IFTAP: variants seen among roughly 807,000 people sequenced by gnomAD.
IFTAP encodes intraflagellar transport-associated protein.
In IFTAP, 19 loss-of-function variants were observed where a neutral mutation model predicts 19.4. The ratio of observed to expected loss-of-function variants is 0.98; its 90% CI spans 0.68 to 1.44. The LOEUF (loss-of-function observed/expected upper bound fraction) is 1.44, where lower values mean the gene tolerates loss of function less well. Among genes scored for constraint, IFTAP ranks in the 40% most tolerant of loss-of-function variants. IFTAP has a pLI of 0.00. For synonymous variants in IFTAP, 85 were observed against 83.5 expected (o/e 1.02, Z -0.10); for missense variants, 240 against 253.6 (o/e 0.95, Z 0.36).
intron 4 of IFTAP, among the ~76,000 whole-genome samples, chr11:36,647,149 A>T (rs954698645): frequency 3.9e-5 from 6 of 152,130 alleles, no homozygotes; most frequent in African/African-American, 1.2e-4. Context: ...TCCACTGAGA[A>T]GTTAATTAGT....
chr11:36,634,155 C>T (rs570359047), intron 3 of IFTAP, among the ~76,000 whole-genome samples: 36 of 152,122 alleles, frequency 2.4e-4, no homozygotes, highest in Non-Finnish European at 4.0e-4. Context: ...TTGTGGGATA[C>T]GAACTTTTTT....
chr11:36,604,828 A>G (rs1851634923), intron 1 of IFTAP, among the ~76,000 whole-genome samples: 1 of 152,084 alleles, frequency 6.6e-6, no homozygotes, highest in Admixed American at 6.6e-5. Context: ...ATTCTCTATG[A>G]TTGGACTAGA....
intron 4 of IFTAP, among the ~76,000 whole-genome samples, chr11:36,638,847 G>A (rs966738083): frequency 6.6e-6 from 1 of 152,156 alleles, no homozygotes; most frequent in Non-Finnish European, 1.5e-5. Flanking sequence ...TATTCTCTAA[G>A]ATTTAGGAGC....
At chr11:36,655,377 C>T (rs762099259) in intron 5 of IFTAP, among the ~76,000 whole-genome samples, 11 of 152,162 alleles carry the variant, frequency 7.2e-5, no homozygotes, top group Non-Finnish European at 1.6e-4. Context: ...CCAACTTAGT[C>T]TGGGTCAGGT....
chr11:36,651,586 G>T (rs1224910141), intron 5 of IFTAP, among the ~76,000 whole-genome samples: 1 of 152,146 alleles, frequency 6.6e-6, no homozygotes, highest in Non-Finnish European at 1.5e-5. Context: ...TTTGGCTTTG[G>T]TTGCCATTGC....
At position 36,594,578 on chromosome 11, in the gene IFTAP, A is replaced by G. The variant is rs1851127160; in HGVS notation, c.-38A>G. ...GGACTCCTGGAATGTGTCTGTGAAT[A>G]AAGACTAGCCGAAGGTGCGAAGTGA... On this transcript the variant is annotated 5_prime_UTR_variant, in exon 1 of 6. In the 5' UTR this introduces an upstream ATG that the reference lacks. Transcript: ENST00000334307. 4.8e-6 allele frequency: 1 copy of G among 208,612 alleles called. No homozygotes were observed. The highest frequency in any genetic ancestry group is 2.3e-5 in the African/African-American group (1 of 43,024). 12.9% of individuals were successfully genotyped at this position (208,612 alleles called of 1,614,324 possible). A position where few individuals can be genotyped will look rare whatever the true frequency, so the allele number is the denominator to read the frequency against.
chr11:36,647,924 G>C, intron 4 of IFTAP, 92 bp from the exon 5 acceptor site: 4 of 1,438,758 alleles, frequency 2.8e-6, no homozygotes, highest in Non-Finnish European at 3.8e-6. Context: ...GAGCATATTT[G>C]CTTCATTTTC....
intron 2 of IFTAP, among the ~76,000 whole-genome samples, chr11:36,610,585 A>G (rs1851845805): frequency 6.6e-6 from 1 of 152,186 alleles, no homozygotes; most frequent in African/African-American, 2.4e-5. Flanking sequence ...AAAGAGAAAT[A>G]GTATAGTATA....
intron 2 of IFTAP, among the ~76,000 whole-genome samples, chr11:36,629,165 A>T (rs1002115835): frequency 2.6e-5 from 4 of 151,358 alleles, no homozygotes; most frequent in African/African-American, 9.9e-5. Context: ...TGGCTGGACA[A>T]ATCAAGAGCA....
chr11:36,610,472 A>G (rs1449271056), intron 2 of IFTAP, among the ~76,000 whole-genome samples: 1 of 152,178 alleles, frequency 6.6e-6, no homozygotes, highest in East Asian at 1.9e-4. Flanking sequence ...AGAATTTGAT[A>G]ACTAAAAATG....
At chr11:36,621,956 A>G (rs185446126) in intron 2 of IFTAP, among the ~76,000 whole-genome samples, 2 of 152,168 alleles carry the variant, frequency 1.3e-5, no homozygotes, top group African/African-American at 4.8e-5. Context: ...GAATATTGCC[A>G]TTGGTTTTGG....
At chr11:36,601,864 G>A (rs1851521520) in intron 1 of IFTAP, among the ~76,000 whole-genome samples, 1 of 152,158 alleles carries the variant, frequency 6.6e-6, no homozygotes, top group Admixed American at 6.5e-5. Flanking sequence ...ATACTGGCCA[G>A]GTGGTCCTGA....
intron 2 of IFTAP, among the ~76,000 whole-genome samples, chr11:36,611,304 C>A (rs1851867930): frequency 6.6e-6 from 1 of 152,054 alleles, no homozygotes; most frequent in African/African-American, 2.4e-5. Flanking sequence ...CCTAGCTACA[C>A]ATTAGACTCA....
intron 5 of IFTAP, among the ~76,000 whole-genome samples, chr11:36,650,321 C>A (rs1175070654): frequency 3.3e-5 from 5 of 151,928 alleles, no homozygotes; most frequent in Admixed American, 3.3e-4. Context: ...ATTAAGATTC[C>A]ATCAACTTTC....
At chr11:36,653,015 T>C (rs1369628277) in intron 5 of IFTAP, among the ~76,000 whole-genome samples, 2 of 152,132 alleles carry the variant, frequency 1.3e-5, no homozygotes, top group Non-Finnish European at 2.9e-5. Context: ...GTGAAAACTG[T>C]AGGAGAGGTC....
intron 4 of IFTAP, among the ~76,000 whole-genome samples, chr11:36,643,698 T>C (rs1853336024): frequency 1.3e-5 from 2 of 152,238 alleles, no homozygotes; most frequent in South Asian, 2.1e-4. Context: ...ATACCATGCA[T>C]CTACAACCAT....
At chr11:36,623,969 A>T (rs1274826083) in intron 2 of IFTAP, among the ~76,000 whole-genome samples, 1 of 151,460 alleles carries the variant, frequency 6.6e-6, no homozygotes, top group African/African-American at 2.4e-5. Flanking sequence ...ATGTAAAATT[A>T]TATATATGTG....
At chr11:36,650,596 G>T (rs1853678725) in intron 5 of IFTAP, among the ~76,000 whole-genome samples, 1 of 148,630 alleles carries the variant, frequency 6.7e-6, no homozygotes, top group Non-Finnish European at 1.5e-5. Flanking sequence ...TTAAGTTCTA[G>T]GGTACATGTG....
intron 4 of IFTAP, among the ~76,000 whole-genome samples, chr11:36,643,907 C>T (rs560141252): frequency 6.6e-6 from 1 of 152,136 alleles, no homozygotes; most frequent in African/African-American, 2.4e-5. Context: ...AGAAGAAAAC[C>T]TAGGCAATAC....
Sources: allele counts gnomAD v4.1 joint callset (sites outside exome capture counted in the v4.1 genomes callset), GRCh38; gene constraint gnomAD v4.1.1; transcripts MANE v1.5; gene names NCBI Gene and HGNC (gene_info 2026-07-23, HGNC 2026-07-21).